Variants in STARD9 observed in about 807,000 individuals in gnomAD.
STARD9 encodes StAR related lipid transfer domain containing 9.
In STARD9, 346 loss-of-function variants were observed where a neutral mutation model predicts 399.8. That is an observed-to-expected ratio of 0.87 (90% CI 0.79 to 0.95). STARD9 has a LOEUF of 0.95. Among genes scored for constraint, STARD9 ranks in the 40% least tolerant of loss-of-function variants. The pLI, the probability that STARD9 is intolerant of heterozygous loss-of-function variation, is 0.00. For synonymous variants in STARD9, 2,203 were observed against 2,143.5 expected, an observed-to-expected ratio of 1.03 and a Z score of -0.77; for missense variants, 5,832 against 5,667.5, an observed-to-expected ratio of 1.03 and a Z score of -0.93.
rs747838458 is a variant in STARD9 at position 42,718,124 on chromosome 15, C to G, written c.13707C>G (p.Tyr4569Ter). The change falls in exon 30 of 33, where the codon TAC becomes TAG. Residue 4569 changes from tyrosine (Y) to a stop codon, truncating the protein, a stop_gained. Coordinates refer to ENST00000290607, the MANE Select transcript of STARD9 (RefSeq NM_020759.3). LOFTEE classifies it high-confidence loss of function. ...VSDPTVWPLY[Y>*]KPIQTARLHQ... ...ACCCCACTGTGTGGCCCCTGTATTA[C>G]AAGCCCATCCAGACAGCAAGGCTGC... is the stretch of plus-strand genomic sequence containing the variant. 10 of 1,537,256 alleles carry G rather than the reference C, an allele frequency of 6.5e-6. No homozygotes were observed. The highest frequency in any genetic ancestry group is 8.7e-6 in the Non-Finnish European group (10 of 1,146,914).
chr15:42,695,273 G>C lies in STARD9; in HGVS notation c.13096G>C (p.Glu4366Gln), dbSNP rs1453053703. Residue 4366 changes from glutamate (E) to glutamine (Q), a missense_variant, in exon 25 of 33, where the codon GAA (glutamate) becomes CAA (glutamine). Glu to Gln is a conservative substitution (Grantham distance 29). Coordinates refer to ENST00000290607, the MANE Select transcript of STARD9 (RefSeq NM_020759.3). ...RARDQLRERTEQEKLRIHQKI... is the reference protein window; with the variant it reads ...RARDQLRERTQQEKLRIHQKI... The stretch of plus-strand genomic sequence containing the variant: ...CCGAGACCAACTGCGGGAGCGGACT[G>C]AACAAGAGAAGCTGAGAATCCACCA... 2 of 1,536,966 alleles carry C rather than the reference G, an allele frequency of 1.3e-6. No homozygotes were observed.
At chr15:42,703,205 G>T (rs192615375) in intron 26 of STARD9, among the ~76,000 whole-genome samples, 5 of 152,038 alleles carry the variant, frequency 3.3e-5, no homozygotes, top group African/African-American at 9.6e-5. Context: ...ATTTAATTGG[G>T]AACTTTTTAC....
Position 42,689,484 on chromosome 15 carries a change from A to G in STARD9, c.7906A>G (p.Lys2636Glu). 4 of 1,537,312 alleles carry G rather than the reference A, an allele frequency of 2.6e-6. No homozygotes were observed. The highest frequency in any genetic ancestry group is 3.5e-6 in the Non-Finnish European group (4 of 1,146,914). The change falls in exon 23 of 33, where the codon AAA (lysine) becomes GAA (glutamate). Residue 2636 changes from lysine to glutamate, a missense_variant. Coordinates refer to ENST00000290607, the MANE Select transcript of STARD9 (RefSeq NM_020759.3). The part of the protein sequence containing the change: ...GQIDLLPDER[K>E]VQATSLSADS... ...GATAGATCTGTTACCTGATGAGAGG[A>G]AAGTCCAGGCCACATCTCTGTCTGC...
intron 7 of STARD9, among the ~76,000 whole-genome samples, chr15:42,647,319 A>T (rs2059665002): frequency 6.6e-6 from 1 of 152,226 alleles, no homozygotes; most frequent in Non-Finnish European, 1.5e-5. Context: ...GTTTTAACAG[A>T]TACTAAGAAA....
intron 5 of STARD9, 29 bp downstream of exon 5, chr15:42,637,968 T>G: frequency 6.5e-7 from 1 of 1,537,284 alleles, no homozygotes; most frequent in Non-Finnish European, 8.7e-7. Flanking sequence ...CTGGATCCTC[T>G]CAAAGTAGGT....
chr15:42,665,279 A>G lies in STARD9; in HGVS notation c.1203A>G (p.Glu401=), dbSNP rs2060073414. ...NEDANLKLIR[E]LREEIERLKA... is the part of the protein sequence containing the mutation. ...ATGCAAACTTAAAACTGATTAGAGA[A>G]CTCAGAGAAGAGATTGAAAGACTGA... The change falls in exon 14 of 33, where the codon GAA becomes GAG. Residue 401 remains glutamate (E), a synonymous_variant. Transcript: ENST00000290607. The G allele has an allele frequency of 2.0e-6, 3 of 1,536,862 alleles. No homozygotes were observed. The African/African-American group carries it at 4.1e-5, about 21-fold the overall frequency.
chr15:42,581,172 CTGTCATGATTGTTCAAGT>C, intron 1 of STARD9: 1 of 761,720 alleles, frequency 1.3e-6, no homozygotes, highest in East Asian at 2.5e-5. Context: ...TGCATGTTTC[CTGTCATGATTGTTCAAGT>C]TGTTCAAATT....
chr15:42,622,527 A>G (rs1356674977), intron 3 of STARD9, among the ~76,000 whole-genome samples: 2 of 152,074 alleles, frequency 1.3e-5, no homozygotes, highest in Non-Finnish European at 2.9e-5. Flanking sequence ...GCCACTGCCC[A>G]GCGGATGTCT....
At chr15:42,605,508 A>G (rs1273644974) in intron 3 of STARD9, among the ~76,000 whole-genome samples, 1 of 152,216 alleles carries the variant, frequency 6.6e-6, no homozygotes, top group Admixed American at 6.5e-5. Flanking sequence ...CCATAAGATC[A>G]CCATCTGTAT....
intron 11 of STARD9, 121 bp downstream of exon 11, chr15:42,663,012 C>T: frequency 1.2e-6 from 1 of 800,642 alleles, no homozygotes; most frequent in East Asian, 2.7e-5. Context: ...TGGTTTGGGG[C>T]ATGAAAAGTT....
chr15:42,663,775 G>C (rs1188677971), intron 12 of STARD9, 45 bp from the exon 13 acceptor site: 2 of 1,362,114 alleles, frequency 1.5e-6, no homozygotes, highest in Admixed American at 2.0e-5. Context: ...TAAGAGCTGG[G>C]ATGGATGGGC....
intron 3 of STARD9, among the ~76,000 whole-genome samples, chr15:42,632,481 G>A (rs940127778): frequency 3.3e-5 from 5 of 151,994 alleles, no homozygotes; most frequent in Admixed American, 1.3e-4. Context: ...TTTGTTTTCT[G>A]GTTGTTTTGT....
chr15:42,588,781 T>G (rs1029475818), intron 3 of STARD9, among the ~76,000 whole-genome samples: 7 of 14,366 alleles, frequency 4.9e-4, no homozygotes, highest in African/African-American at 8.4e-4. Context: ...ACAGCGTTTT[T>G]TTTTTTTTTT....
rs76175552 is a variant in STARD9 at position 42,594,881 on chromosome 15, A to T, written c.234+9244A>T. On this transcript the variant is annotated intron_variant, in intron 3 of 32. Transcript: ENST00000290607. ...TTGCCATCTAGTAGTATGGGGAAGT[A>T]TTCCATACCTGTTGTTATGCGTTCT... 4.8e-3 allele frequency among the ~76,000 whole-genome samples: 734 copies of T among 152,314 alleles called. 6 individuals carry two copies. The highest frequency in any genetic ancestry group is 6.9e-3 in the Non-Finnish European group (467 of 68,032).
intron 22 of STARD9, 48 bp downstream of exon 22, chr15:42,682,623 C>T (rs1315621813): frequency 5.6e-6 from 8 of 1,424,042 alleles, no homozygotes; most frequent in Non-Finnish European, 7.5e-6. Context: ...AAGTTTACAA[C>T]CTTCTTGCCC....
At chr15:42,640,053 C>T (rs533140331) in intron 7 of STARD9, among the ~76,000 whole-genome samples, 13 of 152,268 alleles carry the variant, frequency 8.5e-5, no homozygotes, top group Non-Finnish European at 1.6e-4. Context: ...TCCCAGGTAG[C>T]TAGGGCTACA....
intron 3 of STARD9, among the ~76,000 whole-genome samples, chr15:42,615,056 T>A (rs1189780254): frequency 3.5e-5 from 5 of 142,530 alleles, no homozygotes; most frequent in Admixed American, 1.4e-4. Flanking sequence ...TCGTCCAGGC[T>A]GGAGTGCAGT....
At chr15:42,662,523 A>G (rs1278981905) in intron 10 of STARD9, among the ~76,000 whole-genome samples, 1 of 152,254 alleles carries the variant, frequency 6.6e-6, no homozygotes, top group Admixed American at 6.5e-5. Context: ...ATTACTGTAA[A>G]TGAGCATTAC....
chr15:42,677,584 G>A (rs1035437341), intron 20 of STARD9, among the ~76,000 whole-genome samples: 5 of 152,176 alleles, frequency 3.3e-5, no homozygotes, highest in Non-Finnish European at 5.9e-5. Context: ...GAGTTCAGAG[G>A]TTTACAGAAA....
Sources: allele counts gnomAD v4.1 joint callset (sites outside exome capture counted in the v4.1 genomes callset), GRCh38; gene constraint gnomAD v4.1.1; transcripts MANE v1.5; gene names NCBI Gene and HGNC (gene_info 2026-07-23, HGNC 2026-07-21).